The following CWF19L2 variants were observed in gnomAD, a reference collection of about 807,000 sequenced individuals.
The protein encoded by CWF19L2 is CWF19 like cell cycle control factor 2, also known as CWF19-like protein 2.
Under a neutral mutation model 111.7 loss-of-function variants are expected in CWF19L2, and 98 were observed. The observed-to-expected ratio is 0.88, with a 90% CI of 0.75 to 1.04. The LOEUF (loss-of-function observed/expected upper bound fraction) is 1.04. Among genes scored for constraint, CWF19L2 ranks in the 50% least tolerant of loss-of-function variants. CWF19L2 has a pLI of 0.00. For missense variants in CWF19L2, 1,101 were observed against 1,051.4 expected, an observed-to-expected ratio of 1.05 and a Z score of -0.65; for synonymous variants, 351 against 342.9, an observed-to-expected ratio of 1.02 and a Z score of -0.26.
chr11:107,379,786 G>A (rs183143812), intron 12 of CWF19L2, among the ~76,000 whole-genome samples: 6 of 152,114 alleles, frequency 3.9e-5, no homozygotes, highest in South Asian at 2.1e-4. Context: ...TCAGCCGGGC[G>A]CGGTGGCTCA....
chr11:107,442,776 A>G (rs1319131472), intron 4 of CWF19L2, among the ~76,000 whole-genome samples, 163 bp downstream of exon 4: 7 of 48,370 alleles, frequency 1.4e-4, no homozygotes, highest in African/African-American at 6.4e-4. Flanking sequence ...GGAAGGAAGG[A>G]AGGAAGGAAG....
intron 10 of CWF19L2, among the ~76,000 whole-genome samples, chr11:107,401,009 C>T (rs778813129): frequency 1.3e-5 from 2 of 152,074 alleles, no homozygotes; most frequent in Non-Finnish European, 2.9e-5. Flanking sequence ...TTGACAAAAT[C>T]CAGCATCCCT....
Position 107,429,154 on chromosome 11 carries a change from A to G in CWF19L2, c.1078T>C (p.Ser360Pro), listed in dbSNP as rs769245800. The G allele has an allele frequency of 1.2e-6, 2 of 1,613,852 alleles. No individual in the cohort carries two copies. The highest frequency in any genetic ancestry group is 1.7e-6 in the Non-Finnish European group (2 of 1,179,796). The stretch of plus-strand genomic sequence containing the variant: ...AATTTAGCTCTCAAATTGCCAAAAG[A>G]AAACTCTTGATTTTGCCTTGGGTTA... ...ESNPRQNQEF[S>P]FGNLRAKFLR... The change falls in exon 8 of 18, where the codon TCT (serine) becomes CCT (proline). Residue 360 changes from serine (S) to proline (P), a missense_variant. By Grantham distance (74) the Ser-to-Pro change is moderately conservative (BLOSUM62 -1). Coordinates refer to ENST00000282251, the MANE Select transcript of CWF19L2 (RefSeq NM_152434.3).
At chr11:107,346,426 A>G (rs530830510) in intron 14 of CWF19L2, among the ~76,000 whole-genome samples, 1 of 152,324 alleles carries the variant, frequency 6.6e-6, no homozygotes, top group East Asian at 1.9e-4. Context: ...AGATCACTCC[A>G]TAAGATCTGA....
chr11:107,442,930 C>T lies in CWF19L2; in HGVS notation c.450+9G>A. 1.3e-6 allele frequency: 2 copies of T among 1,501,692 alleles called. No individual in the cohort carries two copies. Among genetic ancestry groups the T allele is most frequent in the Non-Finnish European group, 1.8e-6 (2 of 1,101,534 alleles). 93.0% of individuals were successfully genotyped at this position (1,501,692 alleles called of 1,614,324 possible). A position where few individuals can be genotyped will look rare whatever the true frequency, so the allele number is the denominator to read the frequency against. On this transcript the variant is annotated intron_variant, in intron 4 of 17. Coordinates refer to ENST00000282251, the MANE Select transcript of CWF19L2 (RefSeq NM_152434.3). ...AAAGCAAGGAAGGAAAATCAAGTGG[C>T]TTGCTTACCTTGATAATTTGGGTGT...
At chr11:107,438,795 TG>T (rs1861576592) in intron 6 of CWF19L2, among the ~76,000 whole-genome samples, 1 of 152,132 alleles carries the variant, frequency 6.6e-6, no homozygotes, top group African/African-American at 2.4e-5. Flanking sequence ...CTGTAATCCT[TG>T]CACTTTGGCA....
intron 8 of CWF19L2, among the ~76,000 whole-genome samples, chr11:107,421,352 AAG>A (rs1260348756): frequency 6.6e-6 from 1 of 152,114 alleles, no homozygotes; most frequent in African/African-American, 2.4e-5. Flanking sequence ...AAAGCAGAAA[AAG>A]AGCAAATTAA....
At chr11:107,349,516 C>T (rs1860128220) in intron 13 of CWF19L2, among the ~76,000 whole-genome samples, 1 of 152,044 alleles carries the variant, frequency 6.6e-6, no homozygotes, top group East Asian at 1.9e-4. Flanking sequence ...AGAATTAACT[C>T]AGCTAAGACG....
chr11:107,330,675 C>T (rs1167237765), intron 16 of CWF19L2, among the ~76,000 whole-genome samples: 3 of 111,116 alleles, frequency 2.7e-5, no homozygotes, highest in Non-Finnish European at 4.1e-5. Context: ...CACACACACA[C>T]ACACACACAC....
intron 14 of CWF19L2, chr11:107,345,538 C>A: frequency 4.5e-6 from 2 of 442,526 alleles, no homozygotes; most frequent in Admixed American, 2.8e-5. Flanking sequence ...GAATTATAAA[C>A]AAAAACTGAA....
chr11:107,416,627 T>G (rs937169831), intron 9 of CWF19L2, among the ~76,000 whole-genome samples: 1 of 152,224 alleles, frequency 6.6e-6, no homozygotes, highest in African/African-American at 2.4e-5. Context: ...TCAACTTCGG[T>G]TATTGGTAAC....
chr11:107,418,080 C>T, intron 9 of CWF19L2, 114 bp downstream of exon 9: 1 of 719,950 alleles, frequency 1.4e-6, no homozygotes, highest in Non-Finnish European at 2.5e-6. Context: ...AATCAATAAC[C>T]AACAGTTATT....
At chr11:107,371,631 T>A (rs531110485) in intron 12 of CWF19L2, among the ~76,000 whole-genome samples, 1 of 138,164 alleles carries the variant, frequency 7.2e-6, no homozygotes, top group Non-Finnish European at 1.6e-5. Context: ...ATCATCATTT[T>A]TGAAATTTAA....
intron 10 of CWF19L2, among the ~76,000 whole-genome samples, chr11:107,395,804 C>T (rs1860913525): frequency 1.3e-5 from 2 of 152,170 alleles, no homozygotes; most frequent in South Asian, 4.1e-4. Context: ...TGTTACTAGA[C>T]TGTAATATTT....
Position 107,429,460 on chromosome 11 carries a change from G to A in CWF19L2, c.781-9C>T. On this transcript the variant is annotated splice_polypyrimidine_tract_variant and intron_variant, in intron 7 of 17. Transcript: ENST00000282251. ...TGAAATATTTCCATTGACTACAAAGGAGAAAAATTAAACAAGATATCTAAA... is the reference window on the plus strand; with the variant it reads ...TGAAATATTTCCATTGACTACAAAGAAGAAAAATTAAACAAGATATCTAAA... 6.6e-7 allele frequency: 1 copy of A among 1,522,342 alleles called. No individual in the cohort carries two copies. The highest frequency in any genetic ancestry group is 1.3e-5 in the South Asian group (1 of 78,382). 94.3% of individuals were successfully genotyped at this position (1,522,342 alleles called of 1,614,324 possible).
intron 10 of CWF19L2, among the ~76,000 whole-genome samples, chr11:107,402,793 C>A (rs1861020059): frequency 6.7e-6 from 1 of 149,556 alleles, no homozygotes. Flanking sequence ...ATGTTTATTG[C>A]AGCACAATTC....
intron 13 of CWF19L2, among the ~76,000 whole-genome samples, chr11:107,350,695 T>G (rs1860144915): frequency 6.6e-6 from 1 of 152,018 alleles, no homozygotes; most frequent in Non-Finnish European, 1.5e-5. Flanking sequence ...AATGTAAATG[T>G]AAAGTAAAAT....
At chr11:107,419,342 CA>C (rs1322828020) in intron 8 of CWF19L2, among the ~76,000 whole-genome samples, 2 of 152,040 alleles carry the variant, frequency 1.3e-5, no homozygotes, top group East Asian at 3.9e-4. Flanking sequence ...TTAATCAGAA[CA>C]ATATAAATAT....
intron 12 of CWF19L2, among the ~76,000 whole-genome samples, chr11:107,361,009 T>G (rs1474293476): frequency 1.3e-5 from 2 of 152,234 alleles, no homozygotes; most frequent in Non-Finnish European, 2.9e-5. Flanking sequence ...GAGGTCTTAG[T>G]AATGAATTCT....
Sources: allele counts gnomAD v4.1 joint callset (sites outside exome capture counted in the v4.1 genomes callset), GRCh38; gene constraint gnomAD v4.1.1; transcripts MANE v1.5; gene names NCBI Gene and HGNC (gene_info 2026-07-23, HGNC 2026-07-21).